The following CA12 variants were observed in gnomAD, a reference collection of about 807,000 sequenced individuals.
CA12 encodes carbonate dehydratase XII.
CA12 carries 36 observed loss-of-function variants against 46.8 expected under a neutral mutation model. The ratio of observed to expected loss-of-function variants is 0.77; its 90% CI spans 0.59 to 1.02. The LOEUF (loss-of-function observed/expected upper bound fraction) is 1.02, where lower values mean the gene tolerates loss of function less well. Ranked by LOEUF, CA12 falls within the 50% of genes least tolerant of loss-of-function variation. The probability of loss-of-function intolerance (pLI) is 0.00; values close to 1 mark genes in which losing one functional copy is unlikely to be tolerated. For missense variants in CA12, 436 were observed against 451.4 expected (o/e 0.97, Z 0.31); for synonymous variants, 202 against 187.0 (o/e 1.08, Z -0.65).
rs2039538776 is a variant in CA12 at position 63,373,923 on chromosome 15, G to A, written c.106+1735C>T. ...AGGGGCCCTGTGGCCCAGATTCTGC[G>A]ATTCTTACTTTGTCAGTTCTCTTAT... On this transcript the variant is annotated intron_variant, in intron 2 of 10. Transcript: ENST00000178638. This position sits in a 1 kb window ranked among gnomAD's most constrained non-coding sequence, Gnocchi z 4.9. 1.3e-5 allele frequency among the ~76,000 whole-genome samples: 2 copies of A among 152,198 alleles called. No individual in the cohort carries two copies. The highest frequency in any genetic ancestry group is 4.8e-5 in the African/African-American group (2 of 41,442).
intron 1 of CA12, 101 bp from the exon 2 acceptor site, chr15:63,375,779 T>A (rs2039562655): frequency 1.0e-5 from 8 of 796,284 alleles, no homozygotes; most frequent in Non-Finnish European, 1.7e-5. Context: ...GAAAAGGAGG[T>A]CGATGCCCAG....
At chr15:63,336,223 C>G (rs2039001457) in intron 8 of CA12, among the ~76,000 whole-genome samples, 1 of 152,226 alleles carries the variant, frequency 6.6e-6, no homozygotes, top group Non-Finnish European at 1.5e-5. Flanking sequence ...GCCCCTCAAG[C>G]TCCCCTATCC....
At chr15:63,357,300 G>A (rs1377487235) in intron 2 of CA12, among the ~76,000 whole-genome samples, 1 of 152,148 alleles carries the variant, frequency 6.6e-6, no homozygotes, top group African/African-American at 2.4e-5. Flanking sequence ...CTTCACGGAC[G>A]GAGCCCTAGC....
chr15:63,334,350 G>C (rs1292606821), intron 8 of CA12, among the ~76,000 whole-genome samples: 3 of 143,514 alleles, frequency 2.1e-5, no homozygotes, highest in Non-Finnish European at 4.5e-5. Flanking sequence ...CTGCCTTCTG[G>C]GTTCAAGTGA....
At chr15:63,363,980 G>A (rs1211017656) in intron 2 of CA12, among the ~76,000 whole-genome samples, 2 of 152,074 alleles carry the variant, frequency 1.3e-5, no homozygotes, top group African/African-American at 4.8e-5. Flanking sequence ...CTGAGGTCGG[G>A]AGTTCGAGAC....
At chr15:63,362,932 C>T (rs62012924) in intron 2 of CA12, among the ~76,000 whole-genome samples, 1 of 152,172 alleles carries the variant, frequency 6.6e-6, no homozygotes, top group Non-Finnish European at 1.5e-5. Flanking sequence ...ACCAACCTGC[C>T]AATCACAGCT....
chr15:63,353,593 T>C (rs537154417), intron 2 of CA12, among the ~76,000 whole-genome samples: 1 of 152,248 alleles, frequency 6.6e-6, no homozygotes, highest in East Asian at 1.9e-4. Flanking sequence ...ACAGTCCCGC[T>C]CTTGTGGCTA....
At chr15:63,326,412 G>T in intron 10 of CA12, 55 bp from the exon 11 acceptor site, 1 of 1,427,548 alleles carries the variant, frequency 7.0e-7, no homozygotes, top group South Asian at 1.1e-5. Context: ...GCGAGCCAGA[G>T]AGCAGCCTGA....
intron 2 of CA12, among the ~76,000 whole-genome samples, chr15:63,359,952 T>C (rs1204458458): frequency 2.0e-5 from 3 of 152,182 alleles, no homozygotes; most frequent in Non-Finnish European, 4.4e-5. Flanking sequence ...GAGATAAATA[T>C]CAAGCTCTGT....
At chr15:63,326,680 C>A (rs564332681) in intron 10 of CA12, among the ~76,000 whole-genome samples, 2 of 151,912 alleles carry the variant, frequency 1.3e-5, no homozygotes, top group African/African-American at 4.8e-5. Context: ...TCATACCCCC[C>A]CCAAATAAAT....
At chr15:63,364,566 G>C (rs925229103) in intron 2 of CA12, among the ~76,000 whole-genome samples, 23 of 152,150 alleles carry the variant, frequency 1.5e-4, no homozygotes, top group Non-Finnish European at 2.5e-4. Context: ...ACACAGATTG[G>C]GGGATGTGGG....
intron 10 of CA12, among the ~76,000 whole-genome samples, 183 bp downstream of exon 10, chr15:63,326,966 A>C (rs1323483507): frequency 6.6e-6 from 1 of 152,224 alleles, no homozygotes; most frequent in Non-Finnish European, 1.5e-5. Flanking sequence ...TTGAACGACC[A>C]GGGTCACATG....
chr15:63,351,011 T>C (rs767955830), intron 2 of CA12, among the ~76,000 whole-genome samples: 2 of 152,220 alleles, frequency 1.3e-5, no homozygotes, highest in African/African-American at 2.4e-5. Flanking sequence ...ACCTTAAGAT[T>C]ACCGAATCCA....
At chr15:63,346,399 A>ACCCCCCCCCCCC in intron 3 of CA12, 131 bp downstream of exon 3, 1 of 705,626 alleles carries the variant, frequency 1.4e-6, no homozygotes. Flanking sequence ...TCTCAAAGAC[A>ACCCCCCCCCCCC]CCCCCGCCCC....
At chr15:63,350,841 C>T (rs1201363308) in intron 2 of CA12, among the ~76,000 whole-genome samples, 1 of 152,126 alleles carries the variant, frequency 6.6e-6, no homozygotes, top group Admixed American at 6.6e-5. Context: ...AGAAACAGTC[C>T]TGCCTCATCT....
intron 2 of CA12, among the ~76,000 whole-genome samples, chr15:63,350,404 G>A (rs770686060): frequency 6.6e-6 from 1 of 152,170 alleles, no homozygotes; most frequent in Non-Finnish European, 1.5e-5. Flanking sequence ...TCCTCCACTG[G>A]GAGTGACTCT....
intron 2 of CA12, among the ~76,000 whole-genome samples, chr15:63,362,205 T>C (rs2152623489): frequency 6.6e-6 from 1 of 152,350 alleles, no homozygotes; most frequent in Admixed American, 6.5e-5. Flanking sequence ...ACTTGACCCA[T>C]GGGCCACAGT....
Position 63,345,441 on chromosome 15 carries a change from C to T in CA12, c.429+36G>A. 6.2e-7 allele frequency: 1 copy of T among 1,601,424 alleles called. No homozygotes were observed. Among genetic ancestry groups the T allele is most frequent in the East Asian group, 2.2e-5 (1 of 44,834 alleles). ...CGAGAAGGTGCCACACCACCCACTG[C>T]AGAGCAGCCTCTGCCAGACTGGCAG... On this transcript the variant is annotated intron_variant, in intron 4 of 10. Coordinates refer to ENST00000178638, the MANE Select transcript of CA12 (RefSeq NM_001218.5). This position sits in a 1 kb window ranked among gnomAD's most constrained non-coding sequence, Gnocchi z 4.3.
chr15:63,338,838 T>C lies in CA12; in HGVS notation c.855A>G (p.Val285=), dbSNP rs2039037773. The change falls in exon 8 of 11, where the codon GTA becomes GTG. Residue 285 remains valine, a synonymous_variant. Coordinates refer to ENST00000178638, the MANE Select transcript of CA12 (RefSeq NM_001218.5). ...RQVQKFDERL[V]YTSFSQVQVC... ...CCTCACCTTGGGAGAAGGAGGTGTA[T>C]ACCAGCCTCTCATCGAACTTCTGGA... 6.2e-7 allele frequency: 1 copy of C among 1,614,154 alleles called. No individual in the cohort carries two copies. The highest frequency in any genetic ancestry group is 8.5e-7 in the Non-Finnish European group (1 of 1,180,016).
Sources: allele counts gnomAD v4.1 joint callset (sites outside exome capture counted in the v4.1 genomes callset), GRCh38; gene constraint gnomAD v4.1.1; non-coding constraint Gnocchi (gnomAD v3.1); transcripts MANE v1.5; gene names NCBI Gene and HGNC (gene_info 2026-07-23, HGNC 2026-07-21).